The following PTPRD variants were observed in gnomAD, a reference collection of about 807,000 sequenced individuals.
The protein encoded by PTPRD is protein tyrosine phosphatase receptor type D, also known as receptor-type tyrosine-protein phosphatase delta.
PTPRD carries 34 observed loss-of-function variants against 214.5 expected under a neutral mutation model. That is an observed-to-expected ratio of 0.16 (90% CI 0.12 to 0.21). The LOEUF (loss-of-function observed/expected upper bound fraction) is 0.21. PTPRD is among the 10% of genes least tolerant of loss of function. The pLI is 1.00. For synonymous variants in PTPRD, 1,128 were observed against 845.7 expected (o/e 1.33, Z -5.79); for missense variants, 2,545 against 2,398.7 (o/e 1.06, Z -1.27).
intron 44 of PTPRD, among the ~76,000 whole-genome samples, chr9:8,328,845 C>G (rs28873794): frequency 2.6e-5 from 4 of 151,940 alleles, no homozygotes; most frequent in Admixed American, 2.0e-4. Flanking sequence ...GTATGCTTCA[C>G]GAAGATCTTG....
chr9:8,573,503 T>A (rs1455984291), intron 14 of PTPRD, among the ~76,000 whole-genome samples: 1 of 151,898 alleles, frequency 6.6e-6, no homozygotes, highest in Non-Finnish European at 1.5e-5. Flanking sequence ...TCACTCTGGG[T>A]CAATGGCAAT....
chr9:8,792,106 C>A (rs1016418580), intron 11 of PTPRD, among the ~76,000 whole-genome samples: 2 of 152,118 alleles, frequency 1.3e-5, no homozygotes, highest in Non-Finnish European at 2.9e-5. Flanking sequence ...AAAATGACCT[C>A]GTCAAATAAC....
At chr9:9,268,670 AAAGAG>A (rs980476131) in intron 9 of PTPRD, among the ~76,000 whole-genome samples, 3 of 151,092 alleles carry the variant, frequency 2.0e-5, no homozygotes, top group African/African-American at 4.8e-5. Flanking sequence ...ACAAACATAC[AAAGAG>A]AAGAGAACAG....
intron 3 of PTPRD, among the ~76,000 whole-genome samples, chr9:10,082,840 AACACAC>A (rs59362209): frequency 2.3e-5 from 3 of 128,302 alleles, no homozygotes; most frequent in Non-Finnish European, 3.4e-5. Flanking sequence ...CACACACACA[AACACAC>A]ACACACACAC....
At chr9:9,852,520 C>T (rs1410014120) in intron 5 of PTPRD, among the ~76,000 whole-genome samples, 1 of 151,890 alleles carries the variant, frequency 6.6e-6, no homozygotes, top group South Asian at 2.1e-4. Flanking sequence ...AAGTGAGAAA[C>T]CTGCTATAGT....
chr9:9,198,630 C>T (rs867645619), intron 9 of PTPRD, among the ~76,000 whole-genome samples: 6 of 152,038 alleles, frequency 3.9e-5, no homozygotes, highest in East Asian at 3.9e-4. Context: ...GCTGGATTAC[C>T]GAGGAACATC....
chr9:9,822,909 C>T (rs575526608), intron 5 of PTPRD, among the ~76,000 whole-genome samples: 54 of 152,152 alleles, frequency 3.5e-4, no homozygotes, highest in African/African-American at 1.2e-3. Flanking sequence ...CAGAATGGTA[C>T]GTCCACAGAA....
At chr9:9,782,440 T>A (rs1165180017) in intron 5 of PTPRD, among the ~76,000 whole-genome samples, 1 of 152,220 alleles carries the variant, frequency 6.6e-6, no homozygotes, top group African/African-American at 2.4e-5. Context: ...CATCTTTAAA[T>A]GATTATTGAG....
chr9:10,567,196 A>G (rs1322312), intron 2 of PTPRD, among the ~76,000 whole-genome samples: 101,555 of 151,830 alleles, frequency 0.67, 34,363 homozygotes, highest in African/African-American at 0.72. Flanking sequence ...TATTTCATAT[A>G]CCTAGAACCA....
In PTPRD at chr9:8,354,253, G is replaced by C. The variant is rs150553868; in HGVS notation, c.4662-12275C>G. 3.0e-3 allele frequency among the ~76,000 whole-genome samples: 451 copies of C among 151,870 alleles called. 10 individuals carry two copies. The East Asian group carries it at 0.073, about 25-fold the overall frequency. ...AATCCATAGTTCATCAATGCAAAATGTAAAATGGGATTCACTTCCACAAAG... is the reference window on the plus strand; with the variant it reads ...AATCCATAGTTCATCAATGCAAAATCTAAAATGGGATTCACTTCCACAAAG... On this transcript the variant is annotated intron_variant, in intron 39 of 45. Transcript: ENST00000381196.
intron 2 of PTPRD, among the ~76,000 whole-genome samples, chr9:10,474,423 G>A (rs1431079321): frequency 6.6e-6 from 1 of 151,844 alleles, no homozygotes; most frequent in African/African-American, 2.4e-5. Context: ...AGGGATCAAT[G>A]CAAAAAGAAG....
chr9:9,920,153 C>T (rs2082150372), intron 5 of PTPRD, among the ~76,000 whole-genome samples: 1 of 152,098 alleles, frequency 6.6e-6, no homozygotes, highest in South Asian at 2.1e-4. Flanking sequence ...TCTTCCAAAA[C>T]AGTGTCTCAG....
chr9:8,534,705 T>A (rs1322538685), intron 14 of PTPRD, among the ~76,000 whole-genome samples: 2 of 151,838 alleles, frequency 1.3e-5, no homozygotes, highest in Non-Finnish European at 2.9e-5. Flanking sequence ...CTTTTTCACG[T>A]GTCAGAGAAT....
intron 10 of PTPRD, among the ~76,000 whole-genome samples, chr9:9,182,712 C>G (rs986678082): frequency 1.3e-5 from 2 of 151,874 alleles, no homozygotes; most frequent in African/African-American, 4.8e-5. Flanking sequence ...TGTAATGAAA[C>G]AAAGCTGTGT....
chr9:8,318,899 G>C (rs553768341), intron 45 of PTPRD, among the ~76,000 whole-genome samples: 1 of 152,174 alleles, frequency 6.6e-6, no homozygotes, highest in South Asian at 2.1e-4. Flanking sequence ...GGCCAATCGG[G>C]CTGAAAGTAG....
chr9:9,434,620 A>G (rs542105608), intron 8 of PTPRD, among the ~76,000 whole-genome samples: 6 of 152,216 alleles, frequency 3.9e-5, no homozygotes, highest in Middle Eastern at 3.4e-3. Context: ...CTGGCTTCAA[A>G]ATATACTATA....
chr9:9,348,989 T>C (rs529062841), intron 9 of PTPRD, among the ~76,000 whole-genome samples: 51 of 152,232 alleles, frequency 3.4e-4, no homozygotes, highest in African/African-American at 1.1e-3. Context: ...TTGGTATCTA[T>C]GTATATACAT....
At chr9:8,780,939 T>A (rs1174429679) in intron 11 of PTPRD, among the ~76,000 whole-genome samples, 1 of 152,278 alleles carries the variant, frequency 6.6e-6, no homozygotes, top group African/African-American at 2.4e-5. Context: ...TCAGCTGTGG[T>A]CAGATATTGT....
intron 2 of PTPRD, among the ~76,000 whole-genome samples, chr9:10,548,379 G>A (rs909791675): frequency 3.9e-5 from 6 of 151,982 alleles, no homozygotes; most frequent in Non-Finnish European, 7.4e-5. Flanking sequence ...ATGAAGAAAT[G>A]TACATTTTCT....
Sources: allele counts gnomAD v4.1 joint callset (sites outside exome capture counted in the v4.1 genomes callset), GRCh38; gene constraint gnomAD v4.1.1; transcripts MANE v1.5; gene names NCBI Gene and HGNC (gene_info 2026-07-23, HGNC 2026-07-21).